MAGI1: variants seen among roughly 807,000 people sequenced by gnomAD.
MAGI1 encodes membrane-associated guanylate kinase, WW and PDZ domain-containing protein 1.
MAGI1 carries 58 observed loss-of-function variants against 139.9 expected under a neutral mutation model. The ratio of observed to expected loss-of-function variants is 0.41; its 90% CI spans 0.34 to 0.52. The LOEUF is 0.52. Ranked by LOEUF, MAGI1 falls within the 20% of genes least tolerant of loss-of-function variation. MAGI1 has a pLI of 0.12. For synonymous variants in MAGI1, 812 were observed against 737.9 expected (o/e 1.10, Z -1.63); for missense variants, 1,874 against 1,901.6 (o/e 0.99, Z 0.27).
intron 1 of MAGI1, among the ~76,000 whole-genome samples, chr3:65,650,905 T>C (rs991687013): frequency 1.3e-5 from 2 of 152,240 alleles, no homozygotes; most frequent in Non-Finnish European, 2.9e-5. Context: ...AGAAAGTATT[T>C]AGTTATCAAC....
chr3:65,866,809 A>G (rs767267548), intron 1 of MAGI1, among the ~76,000 whole-genome samples: 35 of 152,318 alleles, frequency 2.3e-4, no homozygotes, highest in Middle Eastern at 3.4e-3. Flanking sequence ...CAAACAAACA[A>G]ACATAACTTG....
At chr3:65,581,680 A>G (rs769925382) in intron 2 of MAGI1, among the ~76,000 whole-genome samples, 1 of 152,128 alleles carries the variant, frequency 6.6e-6, no homozygotes, top group Non-Finnish European at 1.5e-5. Flanking sequence ...CACATTCCTA[A>G]TTAAGCCCTA....
chr3:65,629,440 C>A (rs2084161370), intron 1 of MAGI1, among the ~76,000 whole-genome samples: 2 of 152,088 alleles, frequency 1.3e-5, no homozygotes, highest in South Asian at 4.1e-4. Flanking sequence ...TTGAACTAAT[C>A]ACACTTTCAG....
At chr3:65,780,212 C>T (rs2038817565) in intron 1 of MAGI1, among the ~76,000 whole-genome samples, 1 of 152,152 alleles carries the variant, frequency 6.6e-6, no homozygotes. Flanking sequence ...TTTGTAGTGA[C>T]TGTGTTTTGC....
rs190929485 is a variant in MAGI1 at position 65,496,703 on chromosome 3, T to C, written c.431-3072A>G. On this transcript the variant is annotated intron_variant, in intron 2 of 22. Transcript: ENST00000402939. ...GGGGATGGAGATGCACCAGGATAAA[T>C]AGCTAATGCATGTGGGGCTTAATAC... Among the ~76,000 whole-genome samples the C allele has an allele frequency of 5.9e-5, 9 of 152,276 alleles. No individual in the cohort carries two copies. The East Asian group carries it at 9.7e-4, about 16-fold the overall frequency.
At position 65,454,557 on chromosome 3, in the gene MAGI1, A is replaced by ATAATAATAATAATAAT. The variant is rs5849671; in HGVS notation, c.960-1218_960-1217insATTATTATTATTATTA. On this transcript the variant is annotated intron_variant, in intron 5 of 22. Coordinates refer to ENST00000402939, the MANE Select transcript of MAGI1 (RefSeq NM_001033057.2). ...AATAATAATAATAATAATAATAATA[A>ATAATAATAATAATAAT]AAAAATACTTGTTTTACAAAAAAAA... Among the ~76,000 whole-genome samples, 12 of 143,252 alleles carry ATAATAATAATAATAAT rather than the reference A, an allele frequency of 8.4e-5. 1 individual carries two copies. The highest frequency in any genetic ancestry group is 2.4e-4 in the African/African-American group (9 of 37,422). 94.0% of individuals were successfully genotyped at this position (143,252 alleles called of 152,430 possible).
chr3:65,942,056 G>C (rs1267935931), intron 1 of MAGI1, among the ~76,000 whole-genome samples: 2 of 152,086 alleles, frequency 1.3e-5, no homozygotes, highest in South Asian at 4.1e-4. Flanking sequence ...CAAAATGCTG[G>C]GATTATAGGC....
rs532439749 is a variant in MAGI1, at chr3:65,956,997, T to C, written c.313+80999A>G. Among the ~76,000 whole-genome samples, 30 of 151,960 alleles carry C rather than the reference T, an allele frequency of 2.0e-4. 1 individual carries two copies. Among genetic ancestry groups the C allele is most frequent in the African/African-American group, 7.2e-4 (30 of 41,468 alleles). On this transcript the variant is annotated intron_variant, in intron 1 of 22. Coordinates refer to ENST00000402939, the MANE Select transcript of MAGI1 (RefSeq NM_001033057.2). ...AGCCTGGGTGACAGAGTGAGAATCC[T>C]TCTCAAAAAAAATTATGTTATTGGG... is the stretch of plus-strand genomic sequence containing the variant.
In MAGI1 at chr3:65,514,359, G is replaced by T. The variant is rs1307850015; in HGVS notation, c.431-20728C>A. Among the ~76,000 whole-genome samples the T allele has an allele frequency of 4.0e-5, 3 of 75,376 alleles. No individual in the cohort carries two copies. The East Asian group carries it at 1.4e-3, about 35-fold the overall frequency. The allele number at this position is 75,376 out of a possible 152,430, so 49.4% of individuals were successfully genotyped here. The stretch of plus-strand genomic sequence containing the variant: ...TGCACAGCAAAAGAAACTACCATCA[G>T]AGTGAACAGGCAACCTACAAAATGG... On this transcript the variant is annotated intron_variant, in intron 2 of 22. Transcript: ENST00000402939.
chr3:65,910,440 T>C (rs904103855), intron 1 of MAGI1, among the ~76,000 whole-genome samples: 8 of 152,164 alleles, frequency 5.3e-5, no homozygotes, highest in African/African-American at 1.2e-4. Context: ...ACAAGCACCC[T>C]TGAAAATCAA....
chr3:65,490,843 C>CAAAAAAAAAAAA (rs5849677), intron 3 of MAGI1, among the ~76,000 whole-genome samples: 7 of 64,750 alleles, frequency 1.1e-4, no homozygotes, highest in Non-Finnish European at 1.9e-4. Context: ...GACTCTGTCT[C>CAAAAAAAAAAAA]AAAAAAAAAA....
intron 14 of MAGI1, among the ~76,000 whole-genome samples, chr3:65,385,410 T>C (rs140156659): frequency 6.8e-4 from 104 of 152,342 alleles, no homozygotes; most frequent in African/African-American, 2.3e-3. Flanking sequence ...CTATAGTGCA[T>C]ACCTTCTTAT....
intron 1 of MAGI1, among the ~76,000 whole-genome samples, chr3:66,022,368 C>A (rs1272046339): frequency 1.3e-5 from 2 of 152,124 alleles, no homozygotes; most frequent in African/African-American, 4.8e-5. Context: ...GCTGGGCATC[C>A]TATTTTCCCG....
rs1261749448 is a variant in MAGI1 at position 65,355,162 on chromosome 3, TTGTTA to T, written c.*1211_*1215del. 1 of 152,322 alleles carries T rather than the reference TTGTTA, an allele frequency of 6.6e-6. No individual in the cohort carries two copies. Among genetic ancestry groups the T allele is most frequent in the African/African-American group, 2.4e-5 (1 of 41,418 alleles). 9.4% of individuals were successfully genotyped at this position (152,322 alleles called of 1,614,324 possible). A position where few individuals can be genotyped will look rare whatever the true frequency, so the allele number is the denominator to read the frequency against. ...GAATGGGTCTGTTTAAAAATAAAAA[TTGTTA>T]TGTTTTGTGCTGCTGTCCAAAGGAC... On this transcript the variant is annotated 3_prime_UTR_variant, in exon 23 of 23. Coordinates refer to ENST00000402939, the MANE Select transcript of MAGI1 (RefSeq NM_001033057.2).
At chr3:65,623,515 TA>T (rs1374010272) in intron 1 of MAGI1, among the ~76,000 whole-genome samples, 2 of 152,212 alleles carry the variant, frequency 1.3e-5, no homozygotes, top group Non-Finnish European at 2.9e-5. Context: ...TAAAAATAAC[TA>T]GGCTGAGACT....
intron 2 of MAGI1, among the ~76,000 whole-genome samples, chr3:65,527,346 G>T (rs550954912): frequency 6.6e-6 from 1 of 152,126 alleles, no homozygotes; most frequent in Non-Finnish European, 1.5e-5. Flanking sequence ...TTGGGAGGCT[G>T]AGGCAGGTGG....
chr3:65,657,627 C>T (rs1157894503), intron 1 of MAGI1, among the ~76,000 whole-genome samples: 1 of 152,120 alleles, frequency 6.6e-6, no homozygotes, highest in Non-Finnish European at 1.5e-5. Flanking sequence ...TCCCTAGCAA[C>T]TGGGGAATGA....
intron 1 of MAGI1, among the ~76,000 whole-genome samples, chr3:65,714,966 GT>G (rs1293944061): frequency 6.6e-6 from 1 of 151,540 alleles, no homozygotes; most frequent in African/African-American, 2.4e-5. Context: ...ACAGACACAG[GT>G]TTAGAATCTG....
intron 1 of MAGI1, among the ~76,000 whole-genome samples, chr3:65,918,511 G>C (rs933667414): frequency 7.3e-5 from 11 of 151,636 alleles, no homozygotes; most frequent in Non-Finnish European, 1.5e-4. Context: ...CTCTCGAGTA[G>C]CTGGGATTAC....
Sources: allele counts gnomAD v4.1 joint callset (sites outside exome capture counted in the v4.1 genomes callset), GRCh38; gene constraint gnomAD v4.1.1; transcripts MANE v1.5; gene names NCBI Gene and HGNC (gene_info 2026-07-23, HGNC 2026-07-21).